Variants in CEP120 observed in about 807,000 individuals in gnomAD.
The protein encoded by CEP120 is centrosomal protein of 120 kDa.
Under a neutral mutation model 126.5 loss-of-function variants are expected in CEP120, and 113 were observed. The ratio of observed to expected loss-of-function variants is 0.89; its 90% confidence interval spans 0.77 to 1.04. CEP120 has a LOEUF of 1.04. Ranked by LOEUF, CEP120 falls within the 50% of genes least tolerant of loss-of-function variation. The pLI is 0.00. For synonymous variants in CEP120, 400 were observed against 394.3 expected, an observed-to-expected ratio of 1.01 and a Z score of -0.17; for missense variants, 1,230 against 1,155.7, an observed-to-expected ratio of 1.06 and a Z score of -0.93.
At chr5:123,401,065 A>C in intron 4 of CEP120, 1 of 1,574,080 alleles carries the variant, frequency 6.4e-7, no homozygotes, top group Non-Finnish European at 8.7e-7. Context: ...AGGCCCCCAC[A>C]GGCCGAGCTC....
intron 3 of CEP120, among the ~76,000 whole-genome samples, chr5:123,414,253 C>T (rs1053651489): frequency 6.6e-5 from 10 of 152,094 alleles, no homozygotes; most frequent in Non-Finnish European, 1.3e-4. Context: ...TTAAGAGAAA[C>T]ATCAAGAGCC....
chr5:123,404,266 T>C (rs183384822), intron 4 of CEP120, among the ~76,000 whole-genome samples: 5 of 152,314 alleles, frequency 3.3e-5, no homozygotes, highest in African/African-American at 1.2e-4. Context: ...GCCTCTAGAA[T>C]CTGACTTCCA....
At chr5:123,378,222 A>G in intron 15 of CEP120, 114 bp downstream of exon 15, 1 of 681,652 alleles carries the variant, frequency 1.5e-6, no homozygotes, top group Non-Finnish European at 2.4e-6. Context: ...TAAGCAGCCC[A>G]TCCTGAGTCC....
At chr5:123,374,329 C>G (rs1437804180) in intron 16 of CEP120, among the ~76,000 whole-genome samples, 2 of 152,034 alleles carry the variant, frequency 1.3e-5, no homozygotes, top group Non-Finnish European at 1.5e-5. Flanking sequence ...AACTTCAGAC[C>G]TTTTCATCCC....
Position 123,423,083 on chromosome 5 carries a change from G to C in CEP120, c.-85C>G. On this transcript the variant is annotated 5_prime_UTR_variant, in exon 1 of 20. Transcript: ENST00000306467. ...CGCGGGTAATCCGGGACCCCCGGCG[G>C]GACCCCCACTGCCCGCCCCCGGTCC... 8.4e-7 allele frequency: 1 copy of C among 1,187,680 alleles called. No homozygotes were observed. The highest frequency in any genetic ancestry group is 1.2e-5 in the South Asian group (1 of 82,548). The allele number at this position is 1,187,680 out of a possible 1,614,324, so 73.6% of individuals were successfully genotyped here.
chr5:123,412,320 C>T (rs1774109480), intron 4 of CEP120, 79 bp downstream of exon 4: 1 of 1,426,588 alleles, frequency 7.0e-7, no homozygotes, highest in Non-Finnish European at 9.5e-7. Flanking sequence ...ATATATGTCC[C>T]TATAACACTC....
At position 123,389,946 on chromosome 5, in the gene CEP120, C is replaced by T; in HGVS notation, c.1233G>A (p.Lys411=). 1 of 1,614,092 alleles carries T rather than the reference C, an allele frequency of 6.2e-7. No individual in the cohort carries two copies. Among genetic ancestry groups the T allele is most frequent in the Non-Finnish European group, 8.5e-7 (1 of 1,179,978 alleles). The part of the protein sequence containing the change: ...ESEVESLQYD[K]DTKPNPKASS... ...TACCTTTTGGATTTGGTTTGGTGTCCTTATCATACTGTAAACTTTCCACTT... is the reference window on the plus strand; with the variant it reads ...TACCTTTTGGATTTGGTTTGGTGTCTTTATCATACTGTAAACTTTCCACTT... The change falls in exon 8 of 20, where the codon AAG becomes AAA. Residue 411 remains lysine, a synonymous_variant. Coordinates refer to ENST00000306467, the MANE Select transcript of CEP120 (RefSeq NM_001375405.1).
chr5:123,353,037 A>G (rs1769309475), intron 18 of CEP120, among the ~76,000 whole-genome samples: 1 of 151,936 alleles, frequency 6.6e-6, no homozygotes, highest in Non-Finnish European at 1.5e-5. Context: ...TTAGCTCTCT[A>G]AATACATCTG....
intron 4 of CEP120, among the ~76,000 whole-genome samples, chr5:123,409,361 A>G (rs559088307): frequency 1.3e-5 from 2 of 152,360 alleles, no homozygotes; most frequent in South Asian, 4.1e-4. Flanking sequence ...AAGATCAGGT[A>G]CAAGACAAGG....
chr5:123,355,247 C>T (rs1031639775), intron 18 of CEP120, among the ~76,000 whole-genome samples: 40 of 152,234 alleles, frequency 2.6e-4, no homozygotes, highest in South Asian at 1.0e-3. Flanking sequence ...AAGAAACATA[C>T]GTGTGCATAT....
At chr5:123,403,638 T>C (rs1773433701) in intron 4 of CEP120, 1 of 364,488 alleles carries the variant, frequency 2.7e-6, no homozygotes, top group African/African-American at 2.2e-5. Context: ...TACAACACTT[T>C]AATCAAGTAA....
Position 123,377,473 on chromosome 5 carries a change from G to T in CEP120, c.2259C>A (p.Asp753Glu), listed in dbSNP as rs771949596. 3.1e-6 allele frequency: 5 copies of T among 1,606,912 alleles called. No individual in the cohort carries two copies. The Admixed American group carries it at 8.7e-5, about 28-fold the overall frequency. ...AGTCCTCTTTGGCCCTACGGATAGA[G>T]TCCTGCAGTTCTTGCAGGTTCCGCT... ...ERQRNLQELQ[D>E]SIRRAKEDCI... is the part of the protein sequence containing the mutation. The change falls in exon 16 of 20, where the codon GAC (aspartate) becomes GAA (glutamate). Residue 753 changes from aspartate (D) to glutamate (E), a missense_variant. By Grantham distance (45) the Asp-to-Glu change is conservative. Coordinates refer to ENST00000306467, the MANE Select transcript of CEP120 (RefSeq NM_001375405.1).
intron 3 of CEP120, among the ~76,000 whole-genome samples, chr5:123,413,895 A>G (rs1462211049): frequency 6.6e-6 from 1 of 152,236 alleles, no homozygotes; most frequent in African/African-American, 2.4e-5. Context: ...TTTCTGTTAT[A>G]TAACTCAGAA....
intron 1 of CEP120, among the ~76,000 whole-genome samples, chr5:123,420,214 A>G (rs186675275): frequency 2.8e-4 from 42 of 152,336 alleles, no homozygotes; most frequent in African/African-American, 9.6e-4. Flanking sequence ...TGAATGTCAT[A>G]TATGTCAAAG....
intron 14 of CEP120, among the ~76,000 whole-genome samples, chr5:123,380,193 TCATCATACTGAAAAA>T (rs1771540683): frequency 6.6e-6 from 1 of 152,134 alleles, no homozygotes; most frequent in Non-Finnish European, 1.5e-5. Flanking sequence ...TTAAAATATT[TCATCATACTGAAAAA>T]CAACTTTTTT....
At chr5:123,417,464 T>G (rs1774460077) in intron 2 of CEP120, among the ~76,000 whole-genome samples, 1 of 152,156 alleles carries the variant, frequency 6.6e-6, no homozygotes, top group Admixed American at 6.5e-5. Flanking sequence ...AAATATATAC[T>G]ATAACTTTAA....
intron 4 of CEP120, among the ~76,000 whole-genome samples, chr5:123,405,048 A>G (rs563927930): frequency 6.6e-6 from 1 of 152,336 alleles, no homozygotes; most frequent in South Asian, 2.1e-4. Flanking sequence ...AGTTAGCCCT[A>G]ATAGCAAATA....
At chr5:123,361,147 A>G (rs1285296488) in intron 18 of CEP120, among the ~76,000 whole-genome samples, 1 of 151,776 alleles carries the variant, frequency 6.6e-6, no homozygotes, top group Admixed American at 6.6e-5. Context: ...AGCTTCTTCA[A>G]TGGAAGCACT....
chr5:123,357,917 T>A (rs760681900), intron 18 of CEP120, among the ~76,000 whole-genome samples: 2 of 152,158 alleles, frequency 1.3e-5, no homozygotes, highest in Non-Finnish European at 2.9e-5. Flanking sequence ...AACAATTATA[T>A]GCTACTACTG....
Sources: gnomAD v4.1 joint callset for allele counts (sites outside exome capture counted in the v4.1 genomes callset) on GRCh38, gnomAD v4.1.1 for gene constraint, MANE v1.5 for transcripts, NCBI Gene and HGNC (gene_info 2026-07-23, HGNC 2026-07-21) for gene names.